MRTFA: variants seen among roughly 807,000 people sequenced by gnomAD.
MRTFA encodes the protein myocardin related transcription factor A.
Under a neutral mutation model 83.5 loss-of-function variants are expected in MRTFA, and 20 were observed. The observed-to-expected ratio is 0.24, with a 90% confidence interval of 0.17 to 0.35. The LOEUF is 0.35. Among genes scored for constraint, MRTFA ranks in the 10% least tolerant of loss-of-function variants. The probability of loss-of-function intolerance (pLI) is 1.00; values close to 1 mark genes in which losing one functional copy is unlikely to be tolerated. For missense variants in MRTFA, 1,200 were observed against 1,224.7 expected (o/e 0.98, Z 0.30); for synonymous variants, 659 against 541.2 (o/e 1.22, Z -3.02).
At chr22:40,473,618 G>C (rs575578733) in intron 3 of MRTFA, among the ~76,000 whole-genome samples, 2 of 152,110 alleles carry the variant, frequency 1.3e-5, no homozygotes, top group African/African-American at 4.8e-5. Flanking sequence ...ACTTAATTCA[G>C]CAACAGACAC....
intron 2 of MRTFA, among the ~76,000 whole-genome samples, chr22:40,553,712 C>T (rs750504172): frequency 1.3e-5 from 2 of 152,122 alleles, no homozygotes; most frequent in Non-Finnish European, 2.9e-5. Flanking sequence ...AATGTGGGGT[C>T]GGAGCGCCCA....
intron 4 of MRTFA, among the ~76,000 whole-genome samples, chr22:40,445,410 C>G (rs1252777682): frequency 1.3e-5 from 2 of 152,212 alleles, no homozygotes; most frequent in Non-Finnish European, 2.9e-5. Flanking sequence ...AACTAAGATA[C>G]TTTTATCGCA....
chr22:40,495,443 C>T (rs1019289946), intron 3 of MRTFA, among the ~76,000 whole-genome samples: 2 of 139,160 alleles, frequency 1.4e-5, no homozygotes, highest in African/African-American at 5.4e-5. Flanking sequence ...CAGAGCAAGA[C>T]TCCGTCTCAA....
intron 2 of MRTFA, among the ~76,000 whole-genome samples, chr22:40,561,736 G>A (rs985483603): frequency 1.3e-4 from 20 of 152,322 alleles, no homozygotes; most frequent in African/African-American, 4.1e-4. Context: ...GAAGAGTAAT[G>A]TGGCAGATTA....
chr22:40,627,812 G>A (rs1266474271), intron 1 of MRTFA, among the ~76,000 whole-genome samples: 1 of 152,102 alleles, frequency 6.6e-6, no homozygotes, highest in Non-Finnish European at 1.5e-5. Flanking sequence ...CACCCCGCCT[G>A]CACAAAAAAA....
chr22:40,621,252 G>A (rs1157688836), intron 1 of MRTFA, among the ~76,000 whole-genome samples: 1 of 151,692 alleles, frequency 6.6e-6, no homozygotes. Context: ...GCAGCAATCA[G>A]GCTAATAAAA....
intron 7 of MRTFA, among the ~76,000 whole-genome samples, chr22:40,424,755 T>C (rs1035533380): frequency 3.9e-5 from 6 of 152,186 alleles, no homozygotes; most frequent in Middle Eastern, 3.2e-3. Context: ...ACCGTCTCCC[T>C]ATTGTTAAAG....
At chr22:40,536,544 A>G (rs1369005145) in intron 3 of MRTFA, among the ~76,000 whole-genome samples, 1 of 116,808 alleles carries the variant, frequency 8.6e-6, no homozygotes, top group African/African-American at 3.3e-5. Flanking sequence ...GGAAGTGAGG[A>G]GTGTCTCTGC....
chr22:40,520,419 T>C lies in MRTFA; in HGVS notation c.241+31687A>G, dbSNP rs563694295. On this transcript the variant is annotated intron_variant, in intron 3 of 14. Transcript: ENST00000355630. ...AATGTTTTTAAGGTTCATCATTTTT[T>C]TTTTTAAGACGAGTCTCGTTCTGTC... 3.9e-5 allele frequency among the ~76,000 whole-genome samples: 6 copies of C among 152,290 alleles called. No individual in the cohort carries two copies. The South Asian group carries it at 1.2e-3, about 32-fold the overall frequency.
At chr22:40,485,718 G>C (rs1042167500) in intron 3 of MRTFA, among the ~76,000 whole-genome samples, 1 of 152,176 alleles carries the variant, frequency 6.6e-6, no homozygotes, top group Non-Finnish European at 1.5e-5. Context: ...GGGAAGAGTA[G>C]GGAGGAGAAC....
intron 3 of MRTFA, among the ~76,000 whole-genome samples, chr22:40,513,532 C>T (rs1020464485): frequency 3.6e-4 from 53 of 146,980 alleles, no homozygotes; most frequent in Non-Finnish European, 2.4e-4. Flanking sequence ...ACCCAGGAGG[C>T]AGAGGTTGCA....
intron 1 of MRTFA, among the ~76,000 whole-genome samples, chr22:40,620,250 G>A (rs547663650): frequency 1.3e-4 from 19 of 151,196 alleles, no homozygotes; most frequent in South Asian, 6.3e-4. Context: ...TCAGCCTCCC[G>A]AGTAGCTGGG....
intron 3 of MRTFA, among the ~76,000 whole-genome samples, chr22:40,520,683 A>G (rs1033469618): frequency 6.6e-6 from 1 of 152,244 alleles, no homozygotes; most frequent in African/African-American, 2.4e-5. Context: ...CTGGGATTAT[A>G]GGCATAAGCC....
chr22:40,459,997 C>T (rs527497813), intron 4 of MRTFA, among the ~76,000 whole-genome samples: 94 of 151,650 alleles, frequency 6.2e-4, no homozygotes, highest in African/African-American at 1.6e-3. Flanking sequence ...GGCTGGAGTG[C>T]GGTGGTGCAA....
intron 2 of MRTFA, among the ~76,000 whole-genome samples, chr22:40,559,428 T>C (rs1037362641): frequency 6.6e-6 from 1 of 152,146 alleles, no homozygotes; most frequent in African/African-American, 2.4e-5. Context: ...ATACTTTTTT[T>C]TTCTTTTTTC....
At chr22:40,588,780 G>A (rs1471849492) in intron 2 of MRTFA, among the ~76,000 whole-genome samples, 2 of 152,050 alleles carry the variant, frequency 1.3e-5, no homozygotes, top group African/African-American at 2.4e-5. Flanking sequence ...CCAGGAGTTC[G>A]AGACCACCCT....
Position 40,420,558 on chromosome 22 carries a change from C to G in MRTFA, c.1200G>C (p.Leu400=), listed in dbSNP as rs2052810828. 2 of 1,613,354 alleles carry G rather than the reference C, an allele frequency of 1.2e-6. No individual in the cohort carries two copies. ...GTACTGGGGGGGTCCCGCTGCTTCCCAGGGCCTCGCCTGCTGACCTGGGAA... is the reference window on the plus strand; with the variant it reads ...GTACTGGGGGGGTCCCGCTGCTTCCGAGGGCCTCGCCTGCTGACCTGGGAA... Residue 400 remains leucine, a synonymous_variant, in exon 11 of 15, where the codon CTG becomes CTC. Coordinates refer to ENST00000355630, the MANE Select transcript of MRTFA (RefSeq NM_020831.6).
At chr22:40,542,030 T>C (rs993944653) in intron 3 of MRTFA, among the ~76,000 whole-genome samples, 4 of 152,216 alleles carry the variant, frequency 2.6e-5, no homozygotes, top group Admixed American at 2.6e-4. Flanking sequence ...TAAGACAGGG[T>C]CTCACTCTGT....
chr22:40,443,827 A>C (rs891877507), intron 4 of MRTFA, among the ~76,000 whole-genome samples: 3 of 150,886 alleles, frequency 2.0e-5, no homozygotes, highest in Non-Finnish European at 4.4e-5. Flanking sequence ...AGTAACAAAC[A>C]CCCCTCCCTA....
Sources: allele counts gnomAD v4.1 joint callset (sites outside exome capture counted in the v4.1 genomes callset), GRCh38; gene constraint gnomAD v4.1.1; transcripts MANE v1.5; gene names NCBI Gene and HGNC (gene_info 2026-07-23, HGNC 2026-07-21).